The following KCND3 variants were observed in gnomAD, a reference collection of about 807,000 sequenced individuals.
KCND3 encodes A-type voltage-gated potassium channel KCND3.
Under a neutral mutation model 51.1 loss-of-function variants are expected in KCND3, and 9 were observed. The observed-to-expected ratio is 0.18, with a 90% CI of 0.11 to 0.31. The LOEUF (loss-of-function observed/expected upper bound fraction) is 0.31, where lower values mean the gene tolerates loss of function less well. KCND3 is among the 10% of genes least tolerant of loss of function. The pLI, the probability that KCND3 is intolerant of heterozygous loss-of-function variation, is 1.00. For missense variants in KCND3, 526 were observed against 903.8 expected, an observed-to-expected ratio of 0.58 and a Z score of 5.36; for synonymous variants, 349 against 368.0, an observed-to-expected ratio of 0.95 and a Z score of 0.59.
intron 2 of KCND3, among the ~76,000 whole-genome samples, chr1:111,923,616 T>C (rs573579473): frequency 6.6e-6 from 1 of 152,290 alleles, no homozygotes; most frequent in African/African-American, 2.4e-5. Flanking sequence ...AGGATTTTAA[T>C]CTCCGGTGTT....
intron 2 of KCND3, among the ~76,000 whole-genome samples, chr1:111,804,799 A>G (rs1665485057): frequency 6.6e-6 from 1 of 152,246 alleles, no homozygotes; most frequent in Non-Finnish European, 1.5e-5. Context: ...AAGAGGTTAA[A>G]TAATAATTGC....
In KCND3 at chr1:111,797,925, G is replaced by A. The variant is rs114966198; in HGVS notation, c.1107-10819C>T. On this transcript the variant is annotated intron_variant, in intron 2 of 7. Transcript: ENST00000302127. ...CAGTGTGGTGGATGTATTGGATGGG[G>A]ATGAAAGTAGAGACAGGGAAACCAG... 7.8e-3 allele frequency among the ~76,000 whole-genome samples: 1,181 copies of A among 152,330 alleles called. 13 individuals are homozygous for A. Among genetic ancestry groups the A allele is most frequent in the African/African-American group, 0.027 (1,121 of 41,576 alleles).
chr1:111,869,319 C>T (rs1321047446), intron 2 of KCND3, among the ~76,000 whole-genome samples: 2 of 152,104 alleles, frequency 1.3e-5, no homozygotes, highest in Non-Finnish European at 2.9e-5. Flanking sequence ...ACCTCTAGGA[C>T]CCCCCAGGAA....
intron 2 of KCND3, among the ~76,000 whole-genome samples, chr1:111,893,677 C>G (rs1412865667): frequency 6.6e-6 from 1 of 152,162 alleles, no homozygotes; most frequent in Non-Finnish European, 1.5e-5. Flanking sequence ...AGCCAAGTGA[C>G]TCCTTGACCT....
At chr1:111,860,393 A>C (rs1668282223) in intron 2 of KCND3, among the ~76,000 whole-genome samples, 1 of 152,202 alleles carries the variant, frequency 6.6e-6, no homozygotes, top group Non-Finnish European at 1.5e-5. Context: ...CTTGATTGAT[A>C]CTTGTTAGGT....
intron 2 of KCND3, among the ~76,000 whole-genome samples, chr1:111,838,675 G>A (rs1667186578): frequency 6.6e-6 from 1 of 150,874 alleles, no homozygotes; most frequent in African/African-American, 2.5e-5. Flanking sequence ...AAAAACAAAA[G>A]CAAAAACAAC....
intron 2 of KCND3, among the ~76,000 whole-genome samples, chr1:111,809,331 CAG>C (rs1202012622): frequency 1.3e-5 from 2 of 148,806 alleles, no homozygotes; most frequent in Non-Finnish European, 3.0e-5. Flanking sequence ...TTTTTTGAGA[CAG>C]AGTCTCGCTC....
intron 2 of KCND3, among the ~76,000 whole-genome samples, chr1:111,932,205 G>A (rs1382089651): frequency 6.6e-6 from 1 of 152,140 alleles, no homozygotes; most frequent in Non-Finnish European, 1.5e-5. Context: ...CAGCTGACTA[G>A]CAACCTTAAT....
chr1:111,969,846 C>T (rs1674226003), intron 2 of KCND3, among the ~76,000 whole-genome samples: 1 of 152,136 alleles, frequency 6.6e-6, no homozygotes, highest in Non-Finnish European at 1.5e-5. Flanking sequence ...ATCTCAAAAC[C>T]AACTGCGGAT....
chr1:111,882,121 G>T (rs1669361761), intron 2 of KCND3, among the ~76,000 whole-genome samples: 1 of 152,154 alleles, frequency 6.6e-6, no homozygotes, highest in South Asian at 2.1e-4. Flanking sequence ...CCAGTTTCTA[G>T]CTCTGACCCT....
chr1:111,776,118 G>A lies in KCND3; in HGVS notation c.1927C>T (p.Pro643Ser), dbSNP rs1423121554. Residue 643 changes from proline (P) to serine (S), a missense_variant, in exon 8 of 8, where the codon CCT (proline) becomes TCT (serine). Pro to Ser is a moderately conservative substitution (Grantham distance 74). Coordinates refer to ENST00000302127, the MANE Select transcript of KCND3 (RefSeq NM_001378969.1). ...TTGACAACATTGCTGGCTATGGAAG[G>A]AATGTTCGTGTTGGGGCCTGGGCTG... ...PASPGPNTNI[P>S]SIASNVVKVS... The A allele has an allele frequency of 1.2e-6, 2 of 1,614,206 alleles. No homozygotes were observed. The highest frequency in any genetic ancestry group is 1.7e-6 in the Non-Finnish European group (2 of 1,180,030).
chr1:111,823,932 G>A (rs767413370), intron 2 of KCND3, among the ~76,000 whole-genome samples: 10 of 152,108 alleles, frequency 6.6e-5, no homozygotes, highest in Admixed American at 3.9e-4. Context: ...GAAGACAAAA[G>A]CAAAAGAAAA....
At chr1:111,919,328 C>T (rs906252743) in intron 2 of KCND3, among the ~76,000 whole-genome samples, 5 of 151,792 alleles carry the variant, frequency 3.3e-5, no homozygotes, top group African/African-American at 1.2e-4. Flanking sequence ...ATGGTGGGCA[C>T]ACAGCTGAGG....
At chr1:111,954,213 T>C (rs1170009354) in intron 2 of KCND3, among the ~76,000 whole-genome samples, 1 of 152,174 alleles carries the variant, frequency 6.6e-6, no homozygotes, top group African/African-American at 2.4e-5. Context: ...CCTTTGTAAA[T>C]AGTCCTTTTA....
At chr1:111,882,346 T>C (rs565601208) in intron 2 of KCND3, among the ~76,000 whole-genome samples, 1 of 152,212 alleles carries the variant, frequency 6.6e-6, no homozygotes, top group Non-Finnish European at 1.5e-5. Context: ...GGCGTCCGGT[T>C]TGGATGCCCA....
At chr1:111,872,961 C>T (rs10494142) in intron 2 of KCND3, among the ~76,000 whole-genome samples, 14,964 of 152,268 alleles carry the variant, frequency 0.098, 1,281 homozygotes, top group East Asian at 0.4. Context: ...TGTCTCTTCT[C>T]AACTTCAGCT....
intron 2 of KCND3, among the ~76,000 whole-genome samples, chr1:111,896,167 C>G (rs60082316): frequency 6.6e-6 from 1 of 152,094 alleles, no homozygotes; most frequent in Admixed American, 6.5e-5. Flanking sequence ...GGGACCTCCC[C>G]GAGAACACGG....
intron 2 of KCND3, among the ~76,000 whole-genome samples, chr1:111,953,609 C>T (rs1673167657): frequency 6.6e-6 from 1 of 152,238 alleles, no homozygotes; most frequent in South Asian, 2.1e-4. Flanking sequence ...TGAGTGCTCA[C>T]TCAGGGAGAG....
At chr1:111,810,070 A>C (rs1457123559) in intron 2 of KCND3, among the ~76,000 whole-genome samples, 1 of 152,238 alleles carries the variant, frequency 6.6e-6, no homozygotes, top group Non-Finnish European at 1.5e-5. Context: ...ATGCATGACC[A>C]GCTCCAGCTC....
Sources: allele counts gnomAD v4.1 joint callset (sites outside exome capture counted in the v4.1 genomes callset), GRCh38; gene constraint gnomAD v4.1.1; transcripts MANE v1.5; gene names NCBI Gene and HGNC (gene_info 2026-07-23, HGNC 2026-07-21).